The following CAMK2D variants were observed in gnomAD, a reference collection of about 807,000 sequenced individuals.
CAMK2D encodes calcium/calmodulin dependent protein kinase II delta, also known as calcium/calmodulin-dependent protein kinase type II subunit delta.
CAMK2D carries 37 observed loss-of-function variants against 84.0 expected under a neutral mutation model. The observed-to-expected ratio is 0.44, with a 90% CI of 0.34 to 0.58. The LOEUF (loss-of-function observed/expected upper bound fraction) is 0.58, where lower values mean the gene tolerates loss of function less well. Ranked by LOEUF, CAMK2D falls within the 20% of genes least tolerant of loss-of-function variation. The pLI, the probability that CAMK2D is intolerant of heterozygous loss-of-function variation, is 0.02. For missense variants in CAMK2D, 448 were observed against 652.5 expected (o/e 0.69, Z 3.41); for synonymous variants, 202 against 212.5 (o/e 0.95, Z 0.43).
chr4:113,635,688 G>A (rs12331590), intron 3 of CAMK2D, among the ~76,000 whole-genome samples: 13,937 of 152,194 alleles, frequency 0.092, 1,909 homozygotes, highest in African/African-American at 0.3. Flanking sequence ...ATTAGGGAGT[G>A]GACAAATATA....
chr4:113,597,427 T>C (rs952714819), intron 4 of CAMK2D, among the ~76,000 whole-genome samples: 1 of 152,242 alleles, frequency 6.6e-6, no homozygotes, highest in South Asian at 2.1e-4. Flanking sequence ...CATGGCTTCC[T>C]TCCTTAAACC....
chr4:113,529,760 C>T (rs1028122370), intron 8 of CAMK2D, among the ~76,000 whole-genome samples: 1 of 152,114 alleles, frequency 6.6e-6, no homozygotes, highest in East Asian at 1.9e-4. Context: ...TCGGGATGGT[C>T]AATTTCATTA....
intron 4 of CAMK2D, among the ~76,000 whole-genome samples, chr4:113,608,255 C>G (rs921692799): frequency 2.6e-5 from 4 of 152,146 alleles, no homozygotes; most frequent in South Asian, 2.1e-4. Context: ...ACTGAATTAA[C>G]CAAACCTAGT....
intron 3 of CAMK2D, among the ~76,000 whole-genome samples, chr4:113,643,295 A>G (rs886603451): frequency 1.3e-5 from 2 of 152,248 alleles, no homozygotes; most frequent in African/African-American, 2.4e-5. Context: ...AAAAAGTCCA[A>G]CAAGGGCAGA....
At chr4:113,476,447 A>C (rs2097621634) in intron 16 of CAMK2D, among the ~76,000 whole-genome samples, 1 of 152,162 alleles carries the variant, frequency 6.6e-6, no homozygotes, top group Admixed American at 6.5e-5. Context: ...TCACAAGCTA[A>C]CTGCCCTTGC....
Position 113,565,636 on chromosome 4 carries a change from G to A in CAMK2D, c.276-13540C>T, listed in dbSNP as rs564135012. Reference sequence around the variant, plus strand: ...ACTGCACTCCAGCCTGGGAGACACAGTGAGACTCTGTCTCAAAAAAAAAAA... The same window carrying A: ...ACTGCACTCCAGCCTGGGAGACACAATGAGACTCTGTCTCAAAAAAAAAAA... On this transcript the variant is annotated intron_variant, in intron 4 of 20. Coordinates refer to ENST00000511664, the MANE Select transcript of CAMK2D (RefSeq NM_001321571.2). Among the ~76,000 whole-genome samples, 569 of 147,936 alleles carry A rather than the reference G, an allele frequency of 3.8e-3. 6 individuals are homozygous for A. Among genetic ancestry groups the A allele is most frequent in the African/African-American group, 0.013 (508 of 39,888 alleles).
intron 2 of CAMK2D, among the ~76,000 whole-genome samples, chr4:113,677,900 G>A (rs1182193590): frequency 6.6e-6 from 1 of 151,950 alleles, no homozygotes; most frequent in Non-Finnish European, 1.5e-5. Flanking sequence ...ATATGCATAG[G>A]ATAGTATCTA....
At chr4:113,755,340 A>G in intron 2 of CAMK2D, among the ~76,000 whole-genome samples, 1 of 151,926 alleles carries the variant, frequency 6.6e-6, no homozygotes, top group Middle Eastern at 3.2e-3. Context: ...AAGAATATCA[A>G]AATGACTTAA....
At chr4:113,621,808 A>T (rs534285483) in intron 3 of CAMK2D, among the ~76,000 whole-genome samples, 2 of 152,344 alleles carry the variant, frequency 1.3e-5, no homozygotes, top group Middle Eastern at 3.4e-3. Context: ...TTGGCTTTGC[A>T]GCTAAGGCAT....
chr4:113,529,177 T>C (rs2098441659), intron 8 of CAMK2D, among the ~76,000 whole-genome samples: 1 of 152,184 alleles, frequency 6.6e-6, no homozygotes, highest in Admixed American at 6.5e-5. Context: ...CCCCAGGGGT[T>C]GAAACTATAA....
chr4:113,622,567 C>A (rs62315057), intron 3 of CAMK2D, among the ~76,000 whole-genome samples: 14,062 of 149,336 alleles, frequency 0.094, 729 homozygotes, highest in African/African-American at 0.14. Flanking sequence ...GAGTTCGAGA[C>A]CAGCCCGGGC....
In CAMK2D at chr4:113,661,889, T is replaced by G. The variant is rs2099234359; in HGVS notation, c.161-117A>C. The G allele has an allele frequency of 8.5e-6, 5 of 590,564 alleles. No individual in the cohort carries two copies. In the Admixed American group the frequency reaches 1.5e-4, roughly 18 times the overall value. The allele number at this position is 590,564 out of a possible 1,614,324, so 36.6% of individuals were successfully genotyped here. A position where few individuals can be genotyped will look rare whatever the true frequency, so the allele number is the denominator to read the frequency against. On this transcript the variant is annotated intron_variant, in intron 2 of 20. Transcript: ENST00000511664. ...ATTTACTTATCCTTTGATTTCATTT[T>G]GAAACAATGATAATTCAAATTTAGA...
At chr4:113,663,396 G>A (rs948587176) in intron 2 of CAMK2D, among the ~76,000 whole-genome samples, 3 of 151,896 alleles carry the variant, frequency 2.0e-5, no homozygotes, top group Admixed American at 2.0e-4. Flanking sequence ...GACAAGCCTG[G>A]CCAACATGGC....
chr4:113,678,849 T>C (rs1428322436), intron 2 of CAMK2D, among the ~76,000 whole-genome samples: 6 of 152,118 alleles, frequency 3.9e-5, no homozygotes, highest in Non-Finnish European at 7.4e-5. Flanking sequence ...GCAGATGTCA[T>C]GAGTATATTG....
At chr4:113,489,335 T>C (rs2097797658) in intron 16 of CAMK2D, among the ~76,000 whole-genome samples, 1 of 134,326 alleles carries the variant, frequency 7.4e-6, no homozygotes, top group Non-Finnish European at 1.5e-5. Flanking sequence ...GTCCCCTTCC[T>C]GTGTCTATGT....
At chr4:113,748,354 G>A (rs560965133) in intron 2 of CAMK2D, among the ~76,000 whole-genome samples, 41 of 152,050 alleles carry the variant, frequency 2.7e-4, no homozygotes, top group African/African-American at 9.6e-4. Flanking sequence ...TCAATTTCTC[G>A]CTCGCATACT....
chr4:113,568,519 A>T (rs1427309829), intron 4 of CAMK2D, among the ~76,000 whole-genome samples: 1 of 152,182 alleles, frequency 6.6e-6, no homozygotes, highest in Non-Finnish European at 1.5e-5. Flanking sequence ...GGCTATTTTG[A>T]ATAATGCTGC....
chr4:113,495,992 G>T (rs1373765398), intron 16 of CAMK2D, among the ~76,000 whole-genome samples: 1 of 152,196 alleles, frequency 6.6e-6, no homozygotes, highest in Non-Finnish European at 1.5e-5. Flanking sequence ...CCCATCAGGA[G>T]GAAGTGGGTG....
intron 2 of CAMK2D, chr4:113,754,145 T>C: frequency 1.1e-6 from 1 of 899,030 alleles, no homozygotes; most frequent in Non-Finnish European, 1.3e-6. Context: ...TTTAATGCAT[T>C]GCAGTGTAGT....
Sources: allele counts gnomAD v4.1 joint callset (sites outside exome capture counted in the v4.1 genomes callset), GRCh38; gene constraint gnomAD v4.1.1; transcripts MANE v1.5; gene names NCBI Gene and HGNC (gene_info 2026-07-23, HGNC 2026-07-21).